The following GSK3A variants were observed in gnomAD, a reference collection of about 807,000 sequenced individuals.
The protein encoded by GSK3A is glycogen synthase kinase 3 alpha, also known as glycogen synthase kinase-3 alpha.
In GSK3A, 14 loss-of-function variants were observed where a neutral mutation model predicts 56.6. That is an observed-to-expected ratio of 0.25 (90% CI 0.16 to 0.39). The LOEUF is 0.39. Among genes scored for constraint, GSK3A ranks in the 10% least tolerant of loss-of-function variants. The pLI is 1.00. For missense variants in GSK3A, 450 were observed against 656.0 expected, an observed-to-expected ratio of 0.69 and a Z score of 3.43; for synonymous variants, 301 against 285.0, an observed-to-expected ratio of 1.06 and a Z score of -0.56.
chr19:42,235,468 G>A (rs2036251456), intron 4 of GSK3A, among the ~76,000 whole-genome samples: 1 of 152,154 alleles, frequency 6.6e-6, no homozygotes, highest in East Asian at 1.9e-4. Flanking sequence ...TACCGTGAGA[G>A]CAGGATTTTG....
Position 42,234,595 on chromosome 19 carries a change from C to T in GSK3A, c.750G>A (p.Leu250=), listed in dbSNP as rs2036244679. ...VCHRDIKPQN[L]LVDPDTAVLK... is the part of the protein sequence containing the mutation. The stretch of plus-strand genomic sequence containing the variant: ...GGACAGCAGTGTCAGGGTCCACCAG[C>T]AGGTTCTGGGGCTTGATGTCGCGGT... The change falls in exon 5 of 11, where the codon CTG becomes CTA. Residue 250 remains leucine (L), a synonymous_variant. Coordinates refer to ENST00000222330, the MANE Select transcript of GSK3A (RefSeq NM_019884.3). The surrounding 1 kb of genome is among the most constrained non-coding windows in gnomAD (Gnocchi z 5.7). 1 of 1,614,002 alleles carries T rather than the reference C, an allele frequency of 6.2e-7. No individual in the cohort carries two copies. Among genetic ancestry groups the T allele is most frequent in the Non-Finnish European group, 8.5e-7 (1 of 1,180,012 alleles).
chr19:42,240,436 C>T (rs1377152346), intron 1 of GSK3A: 6 of 575,804 alleles, frequency 1.0e-5, no homozygotes, highest in South Asian at 4.4e-5. Context: ...CAACAGATCA[C>T]TGGTCCATCT....
In GSK3A at chr19:42,242,302, G is replaced by A; in HGVS notation, c.164C>T (p.Ala55Val). Residue 55 changes from alanine to valine, a missense_variant, in exon 1 of 11, where the codon GCC becomes GTC. Physicochemically the swap from Ala to Val is moderately conservative, Grantham distance 64 (BLOSUM62 0). This residue lies in a region of GSK3A where 193 missense variants were observed against 200.5 expected (regional missense o/e 0.96). Coordinates refer to ENST00000222330, the MANE Select transcript of GSK3A (RefSeq NM_019884.3). ...GTGGGKASVGAMGGGVGASSS... is the reference protein window; with the variant it reads ...GTGGGKASVGVMGGGVGASSS... ...CGAGGCCCCGACGCCCCCACCCATGGCCCCGACAGATGCCTTTCCGCCGCC... is the reference window on the plus strand; with the variant it reads ...CGAGGCCCCGACGCCCCCACCCATGACCCCGACAGATGCCTTTCCGCCGCC... 1 of 1,442,322 alleles carries A rather than the reference G, an allele frequency of 6.9e-7. No individual in the cohort carries two copies. Among genetic ancestry groups the A allele is most frequent in the East Asian group, 3.0e-5 (1 of 32,934 alleles). The allele number at this position is 1,442,322 out of a possible 1,614,324, so 89.3% of individuals were successfully genotyped here. A position where few individuals can be genotyped will look rare whatever the true frequency, so the allele number is the denominator to read the frequency against.
At chr19:42,237,023 C>A in intron 2 of GSK3A, 82 bp from the exon 3 acceptor site, 2 of 930,882 alleles carry the variant, frequency 2.1e-6, no homozygotes, top group South Asian at 2.6e-5. Context: ...CCAACAACAG[C>A]CAGGCAGCTA....
chr19:42,234,734 CT>C lies in GSK3A; in HGVS notation c.667-57del. On this transcript the variant is annotated intron_variant, in intron 4 of 10. Coordinates refer to ENST00000222330, the MANE Select transcript of GSK3A (RefSeq NM_019884.3). This position sits in a 1 kb window ranked among gnomAD's most constrained non-coding sequence, Gnocchi z 5.7. Reference sequence around the variant, plus strand: ...GCCCAGCTTTCCCCATACAGCACCACTACCCCACCAGCTTGGCCTGAAGAGC... The same window carrying C: ...GCCCAGCTTTCCCCATACAGCACCACACCCCACCAGCTTGGCCTGAAGAGC... 6.8e-7 allele frequency: 1 copy of C among 1,478,502 alleles called. No homozygotes were observed. Among genetic ancestry groups the C allele is most frequent in the African/African-American group, 1.4e-5 (1 of 71,860 alleles). 91.6% of individuals were successfully genotyped at this position (1,478,502 alleles called of 1,614,324 possible).
At chr19:42,237,003 A>T in intron 2 of GSK3A, 62 bp from the exon 3 acceptor site, 2 of 1,139,530 alleles carry the variant, frequency 1.8e-6, no homozygotes, top group South Asian at 2.5e-5. Flanking sequence ...CTCCCTACTC[A>T]CACTCACTCC....
At position 42,242,215 on chromosome 19, in the gene GSK3A, G is replaced by C; in HGVS notation, c.251C>G (p.Thr84Ser). ...GGGSGGPGAGTSFPPPGVKLG... is the reference protein window; with the variant it reads ...GGGSGGPGAGSSFPPPGVKLG... ...CTTCACCCCGGGCGGCGGGAAGCTA[G>C]TGCCTGCGCCGGGGCCTCCGCTGCC... Residue 84 changes from threonine (T) to serine (S), a missense_variant, in exon 1 of 11, where the codon ACT becomes AGT. By Grantham distance (58) the Thr-to-Ser change is moderately conservative (BLOSUM62 1). This residue lies in a region of GSK3A where 193 missense variants were observed against 200.5 expected (regional missense o/e 0.96). Transcript: ENST00000222330. 6.9e-7 allele frequency: 1 copy of C among 1,446,268 alleles called. No homozygotes were observed. The highest frequency in any genetic ancestry group is 1.5e-5 in the African/African-American group (1 of 67,672). 89.6% of individuals were successfully genotyped at this position (1,446,268 alleles called of 1,614,324 possible).
chr19:42,232,809 T>C (rs2036232884), intron 8 of GSK3A, 127 bp from the exon 9 acceptor site: 2 of 791,718 alleles, frequency 2.5e-6, no homozygotes, highest in Non-Finnish European at 3.9e-6. Context: ...ACCTTCCAAA[T>C]GAAGAAACTA....
At position 42,233,375 on chromosome 19, in the gene GSK3A, A is replaced by T; in HGVS notation, c.913T>A (p.Ser305Thr). 6.3e-7 allele frequency: 1 copy of T among 1,576,632 alleles called. No homozygotes were observed. Among genetic ancestry groups the T allele is most frequent in the Non-Finnish European group, 8.6e-7 (1 of 1,159,016 alleles). The part of the protein sequence containing the change: ...TDYTSSIDVW[S>T]AGCVLAELLL... ...AGCTCTGCCAGTACACAGCCAGCTG[A>T]CCAAACATCTGAGGGGAAATGGAGG... Residue 305 changes from serine to threonine, a missense_variant, in exon 7 of 11, where the codon TCA (serine) becomes ACA (threonine). Ser to Thr is a moderately conservative substitution (Grantham distance 58). This residue lies in a region of GSK3A where 144 missense variants were observed against 308.0 expected (regional missense o/e 0.47). Transcript: ENST00000222330.
chr19:42,232,898 A>G, intron 8 of GSK3A: 1 of 568,410 alleles, frequency 1.8e-6, no homozygotes, highest in Non-Finnish European at 3.1e-6. Context: ...AGCCCTGCTG[A>G]CCCTCCATAA....
intron 1 of GSK3A, chr19:42,240,347 C>G: frequency 3.3e-6 from 2 of 605,242 alleles, no homozygotes; most frequent in Non-Finnish European, 3.0e-6. Flanking sequence ...AGTCCTGCTC[C>G]CCTCCACATA....
chr19:42,236,758 G>A (rs754696505), intron 3 of GSK3A, 42 bp from the exon 4 acceptor site: 3 of 1,530,710 alleles, frequency 2.0e-6, no homozygotes, highest in South Asian at 1.1e-5. Context: ...TGTGAGAAGA[G>A]TGAGGAGGGG....
At chr19:42,232,942 A>G in intron 8 of GSK3A, 168 bp downstream of exon 8, 1 of 618,092 alleles carries the variant, frequency 1.6e-6, no homozygotes, top group South Asian at 2.2e-5. Context: ...GTGGGTTCTC[A>G]ACTTTTAAAA....
intron 9 of GSK3A, 122 bp downstream of exon 9, chr19:42,232,374 C>G: frequency 1.1e-6 from 1 of 886,602 alleles, no homozygotes; most frequent in Non-Finnish European, 1.8e-6. Flanking sequence ...CTTTCCTGAG[C>G]CCCAGGCCTG....
At chr19:42,237,657 C>T (rs2036265854) in intron 2 of GSK3A, among the ~76,000 whole-genome samples, 1 of 150,328 alleles carries the variant, frequency 6.7e-6, no homozygotes, top group Non-Finnish European at 1.5e-5. Flanking sequence ...GTGGGTGGAT[C>T]ACGAAGTCAG....
intron 8 of GSK3A, 106 bp from the exon 9 acceptor site, chr19:42,232,788 C>A: frequency 1.1e-6 from 1 of 885,802 alleles, no homozygotes. Context: ...CTGGTTGCTT[C>A]CCACACCCCC....
chr19:42,242,478 AGGCCCAGGCTGCGG>A lies in GSK3A; in HGVS notation c.-27_-14del, dbSNP rs1332453080. Reference sequence around the variant, plus strand: ...CGCCGCCGCTCATGGCGCCGAGCACAGGCCCAGGCTGCGGGGCTCGGGCTGCCCGGGCTGCCCCA... The same window carrying A: ...CGCCGCCGCTCATGGCGCCGAGCACAGGCTCGGGCTGCCCGGGCTGCCCCA... On this transcript the variant is annotated 5_prime_UTR_variant, in exon 1 of 11. Transcript: ENST00000222330. The A allele has an allele frequency of 8.6e-7, 1 of 1,163,550 alleles. No homozygotes were observed. Among genetic ancestry groups the A allele is most frequent in the Non-Finnish European group, 1.1e-6 (1 of 947,402 alleles). The allele number at this position is 1,163,550 out of a possible 1,614,324, so 72.1% of individuals were successfully genotyped here.
chr19:42,240,458 G>C, intron 1 of GSK3A: 4 of 547,564 alleles, frequency 7.3e-6, no homozygotes, highest in Non-Finnish European at 1.3e-5. Context: ...GGTACTGGGA[G>C]ACATCAGATG....
intron 8 of GSK3A, 76 bp from the exon 9 acceptor site, chr19:42,232,758 GT>G: frequency 5.6e-6 from 7 of 1,258,406 alleles, no homozygotes; most frequent in Non-Finnish European, 7.7e-6. Flanking sequence ...CACTGCCACA[GT>G]GCCTGCGGCA....
Sources: gnomAD v4.1 joint callset for allele counts (sites outside exome capture counted in the v4.1 genomes callset) on GRCh38, gnomAD v4.1.1 for gene constraint, gnomAD v4.1.1 regional missense constraint, Gnocchi (gnomAD v3.1) non-coding constraint, MANE v1.5 for transcripts, NCBI Gene and HGNC (gene_info 2026-07-23, HGNC 2026-07-21) for gene names.